STK33: variants seen among roughly 807,000 people sequenced by gnomAD.
STK33 encodes the protein serine/threonine-protein kinase 33.
In STK33, 52 loss-of-function variants were observed where a neutral mutation model predicts 58.0. The ratio of observed to expected loss-of-function variants is 0.90; its 90% CI spans 0.72 to 1.13. The LOEUF (loss-of-function observed/expected upper bound fraction) is 1.13, where lower values mean the gene tolerates loss of function less well. Ranked by LOEUF, STK33 falls within the 50% of genes most tolerant of loss-of-function variation. STK33 has a pLI of 0.00. For synonymous variants in STK33, 215 were observed against 200.1 expected, an observed-to-expected ratio of 1.07 and a Z score of -0.63; for missense variants, 630 against 604.2, an observed-to-expected ratio of 1.04 and a Z score of -0.45.
chr11:8,493,279 C>T (rs538693376), intron 1 of STK33, among the ~76,000 whole-genome samples: 2 of 151,998 alleles, frequency 1.3e-5, no homozygotes, highest in South Asian at 4.2e-4. Context: ...CCACCGATGA[C>T]ACAGAAATAC....
chr11:8,451,893 C>T (rs974530330), intron 11 of STK33, among the ~76,000 whole-genome samples: 2 of 151,894 alleles, frequency 1.3e-5, no homozygotes, highest in African/African-American at 2.4e-5. Context: ...TGTTTGATGG[C>T]GATGAAACTG....
chr11:8,487,947 C>T (rs770986005), intron 1 of STK33, among the ~76,000 whole-genome samples: 11 of 152,166 alleles, frequency 7.2e-5, no homozygotes, highest in Non-Finnish European at 1.3e-4. Context: ...TTTTAACTTG[C>T]CTTAGTCCCA....
At chr11:8,554,589 AT>A (rs1302108064) in intron 1 of STK33, among the ~76,000 whole-genome samples, 2 of 152,202 alleles carry the variant, frequency 1.3e-5, no homozygotes, top group Non-Finnish European at 2.9e-5. Flanking sequence ...AATGGCTGTT[AT>A]CAAAAAGATG....
chr11:8,553,167 AATATATATATATAT>A lies in STK33; in HGVS notation c.-466+40902_-466+40915del, dbSNP rs56363010. Among the ~76,000 whole-genome samples, 4 of 68,194 alleles carry A rather than the reference AATATATATATATAT, an allele frequency of 5.9e-5. No homozygotes were observed. The South Asian group carries it at 2.7e-3, about 47-fold the overall frequency. The allele number at this position is 68,194 out of a possible 152,430, so 44.7% of individuals were successfully genotyped here. On this transcript the variant is annotated intron_variant, in intron 1 of 15. Coordinates refer to ENST00000687296, the MANE Select transcript of STK33 (RefSeq NM_001352389.2). Reference sequence around the variant, plus strand: ...AGGGAGACTCCGTCTCCAAAAATAAAATATATATATATATATATATATATATATATGGTGTATAT... The same window carrying A: ...AGGGAGACTCCGTCTCCAAAAATAAAATATATATATATATATGGTGTATAT...
chr11:8,406,335 A>G (rs1481902502), intron 15 of STK33, among the ~76,000 whole-genome samples: 10 of 152,060 alleles, frequency 6.6e-5, no homozygotes, highest in Admixed American at 6.5e-4. Flanking sequence ...TTTTTAGGTT[A>G]TTTTGTCTGT....
At chr11:8,419,628 G>A (rs1030252740) in intron 14 of STK33, among the ~76,000 whole-genome samples, 7 of 152,108 alleles carry the variant, frequency 4.6e-5, no homozygotes, top group African/African-American at 1.7e-4. Flanking sequence ...GAATGTCACT[G>A]GTAATTTGAT....
chr11:8,497,697 A>C (rs1951169886), intron 1 of STK33, among the ~76,000 whole-genome samples: 1 of 152,154 alleles, frequency 6.6e-6, no homozygotes, highest in Non-Finnish European at 1.5e-5. Flanking sequence ...CCTGGGCTCA[A>C]GTGATCTGCC....
At chr11:8,518,095 G>A (rs1952986905) in intron 1 of STK33, among the ~76,000 whole-genome samples, 1 of 152,156 alleles carries the variant, frequency 6.6e-6, no homozygotes, top group South Asian at 2.1e-4. Flanking sequence ...CAGAGAGAAA[G>A]GTCGGGTTAC....
chr11:8,389,053 T>C (rs1393707443), downstream of STK33, among the ~76,000 whole-genome samples: 4 of 152,226 alleles, frequency 2.6e-5, no homozygotes, highest in Non-Finnish European at 5.9e-5. Context: ...TCTCCACCAC[T>C]TGAGTTGCAG....
At chr11:8,451,673 T>C (rs572952412) in intron 11 of STK33, among the ~76,000 whole-genome samples, 12 of 152,328 alleles carry the variant, frequency 7.9e-5, no homozygotes, top group Admixed American at 5.2e-4. Context: ...AACTGGATTG[T>C]GGTGATGGTT....
chr11:8,508,925 T>G (rs1454739344), intron 1 of STK33, among the ~76,000 whole-genome samples: 1 of 152,058 alleles, frequency 6.6e-6, no homozygotes, highest in Non-Finnish European at 1.5e-5. Flanking sequence ...GAGACCAGCC[T>G]GACCAACATA....
intron 15 of STK33, among the ~76,000 whole-genome samples, chr11:8,396,335 GT>G (rs1230402912): frequency 3.3e-5 from 5 of 152,166 alleles, no homozygotes; most frequent in Admixed American, 3.3e-4. Context: ...ATATGCAAAT[GT>G]TTATGCTTCT....
chr11:8,558,719 G>A (rs936143398), intron 1 of STK33, among the ~76,000 whole-genome samples: 5 of 152,044 alleles, frequency 3.3e-5, no homozygotes, highest in Non-Finnish European at 5.9e-5. Flanking sequence ...TGCTGGGCTC[G>A]GTTCAACTAT....
At chr11:8,566,239 C>T (rs1957436729) in intron 1 of STK33, among the ~76,000 whole-genome samples, 1 of 152,140 alleles carries the variant, frequency 6.6e-6, no homozygotes, top group Admixed American at 6.6e-5. Context: ...TCTAAATAGA[C>T]CCTCAGTTTC....
chr11:8,549,848 A>C (rs1956186778), intron 1 of STK33, among the ~76,000 whole-genome samples: 1 of 151,902 alleles, frequency 6.6e-6, no homozygotes, highest in Non-Finnish European at 1.5e-5. Context: ...GATTTTATTT[A>C]TTTGGGTCTT....
chr11:8,592,470 T>C (rs1048008131), intron 1 of STK33, among the ~76,000 whole-genome samples: 1 of 152,214 alleles, frequency 6.6e-6, no homozygotes, highest in African/African-American at 2.4e-5. Context: ...ATAATAATGC[T>C]AATATGGGTG....
intron 6 of STK33, among the ~76,000 whole-genome samples, chr11:8,470,961 A>G (rs987589407): frequency 2.0e-5 from 3 of 152,252 alleles, no homozygotes; most frequent in Non-Finnish European, 2.9e-5. Flanking sequence ...AAATGAGCAC[A>G]TGCTGTTGGA....
intron 1 of STK33, among the ~76,000 whole-genome samples, chr11:8,505,086 T>C (rs77209572): frequency 2.3e-3 from 351 of 152,344 alleles, no homozygotes; most frequent in African/African-American, 8.0e-3. Flanking sequence ...CTTATTTTTC[T>C]GGAAAGGTGA....
At chr11:8,568,010 G>A (rs910106870) in intron 1 of STK33, among the ~76,000 whole-genome samples, 2 of 152,002 alleles carry the variant, frequency 1.3e-5, no homozygotes, top group African/African-American at 4.8e-5. Context: ...CTTTTTCCAA[G>A]GAAAATCCAA....
Sources: allele counts gnomAD v4.1 joint callset (sites outside exome capture counted in the v4.1 genomes callset), GRCh38; gene constraint gnomAD v4.1.1; transcripts MANE v1.5; gene names NCBI Gene and HGNC (gene_info 2026-07-23, HGNC 2026-07-21).